APPBP2: variants seen among roughly 807,000 people sequenced by gnomAD.
The protein encoded by APPBP2 is amyloid protein-binding protein 2.
Under a neutral mutation model 76.0 loss-of-function variants are expected in APPBP2, and 15 were observed. That is an observed-to-expected ratio of 0.20 (90% confidence interval 0.13 to 0.30). The LOEUF (loss-of-function observed/expected upper bound fraction) is 0.30, where lower values mean the gene tolerates loss of function less well. Ranked by LOEUF, APPBP2 falls within the 10% of genes least tolerant of loss-of-function variation. The pLI is 1.00. For synonymous variants in APPBP2, 222 were observed against 242.2 expected (o/e 0.92, Z 0.77); for missense variants, 401 against 687.2 (o/e 0.58, Z 4.66).
At chr17:60,522,153 A>T (rs1415836018) in intron 1 of APPBP2, among the ~76,000 whole-genome samples, 1 of 152,134 alleles carries the variant, frequency 6.6e-6, no homozygotes, top group Non-Finnish European at 1.5e-5. Flanking sequence ...ATTTTTATTA[A>T]CTATTCTTTT....
At chr17:60,511,582 GAAAAAA>G (rs397946277) in intron 1 of APPBP2, among the ~76,000 whole-genome samples, 3 of 116,698 alleles carry the variant, frequency 2.6e-5, no homozygotes, top group African/African-American at 8.5e-5. Flanking sequence ...AGACTCCATT[GAAAAAA>G]AAAAAAAAGA....
chr17:60,452,175 A>T, intron 11 of APPBP2, 130 bp from the exon 12 acceptor site: 1 of 932,790 alleles, frequency 1.1e-6, no homozygotes, highest in South Asian at 1.8e-5. Context: ...ATCAAAGAAC[A>T]TACTATGTTA....
At chr17:60,479,519 C>T (rs939819087) in intron 3 of APPBP2, among the ~76,000 whole-genome samples, 2 of 152,088 alleles carry the variant, frequency 1.3e-5, no homozygotes, top group African/African-American at 4.8e-5. Context: ...TACTCCATGG[C>T]CTAAGAGTTG....
chr17:60,496,144 G>T (rs1037738319), intron 2 of APPBP2, among the ~76,000 whole-genome samples: 2 of 152,168 alleles, frequency 1.3e-5, no homozygotes, highest in African/African-American at 4.8e-5. Flanking sequence ...GTTAACTGAG[G>T]AAATGGTCAG....
At chr17:60,515,112 ATTTT>A (rs746696162) in intron 1 of APPBP2, among the ~76,000 whole-genome samples, 1 of 106,228 alleles carries the variant, frequency 9.4e-6, no homozygotes, top group Non-Finnish European at 2.0e-5. Context: ...CCTATTTTAA[ATTTT>A]TTTTTTTTTT....
chr17:60,462,096 C>T (rs2090479761), intron 6 of APPBP2, 35 bp from the exon 7 acceptor site: 1 of 1,525,324 alleles, frequency 6.6e-7, no homozygotes, highest in Non-Finnish European at 9.1e-7. Flanking sequence ...AACTCTCAAA[C>T]AGTTCATTAG....
intron 1 of APPBP2, among the ~76,000 whole-genome samples, chr17:60,517,137 G>A (rs1370807945): frequency 6.6e-6 from 1 of 152,000 alleles, no homozygotes; most frequent in Non-Finnish European, 1.5e-5. Flanking sequence ...CACCATGCCT[G>A]GCTAATTTTT....
intron 3 of APPBP2, among the ~76,000 whole-genome samples, chr17:60,485,783 TGTGATGGTA>T (rs2090671293): frequency 1.3e-5 from 2 of 152,196 alleles, no homozygotes; most frequent in Admixed American, 6.5e-5. Flanking sequence ...CTCTTTTAAT[TGTGATGGTA>T]GGGTGTGAAT....
At chr17:60,510,579 C>A (rs1434408443) in intron 1 of APPBP2, among the ~76,000 whole-genome samples, 1 of 151,300 alleles carries the variant, frequency 6.6e-6, no homozygotes, top group Non-Finnish European at 1.5e-5. Context: ...AAAAATTGGC[C>A]AAGCATGGTG....
chr17:60,492,875 G>A (rs540390439), intron 3 of APPBP2, among the ~76,000 whole-genome samples: 1 of 152,250 alleles, frequency 6.6e-6, no homozygotes, highest in Non-Finnish European at 1.5e-5. Context: ...TGAAATGTGA[G>A]GACATGAGAT....
intron 2 of APPBP2, 39 bp downstream of exon 2, chr17:60,500,360 T>C: frequency 7.4e-7 from 1 of 1,349,718 alleles, no homozygotes; most frequent in African/African-American, 1.5e-5. Flanking sequence ...GTAAATTTTA[T>C]GTTATGTATA....
intron 1 of APPBP2, among the ~76,000 whole-genome samples, chr17:60,501,265 A>G (rs560312444): frequency 6.6e-4 from 101 of 152,244 alleles, no homozygotes; most frequent in African/African-American, 2.4e-3. Context: ...TGGGCAACAT[A>G]GTGACACCCT....
intron 11 of APPBP2, among the ~76,000 whole-genome samples, chr17:60,452,799 G>A (rs1426203505): frequency 6.6e-6 from 1 of 152,084 alleles, no homozygotes; most frequent in Non-Finnish European, 1.5e-5. Context: ...GCAGTGTGGT[G>A]GTGTGCGCCT....
Position 60,447,499 on chromosome 17 carries a change from C to T in APPBP2, c.*82G>A. On this transcript the variant is annotated 3_prime_UTR_variant, in exon 13 of 13. Coordinates refer to ENST00000083182, the MANE Select transcript of APPBP2 (RefSeq NM_006380.5). The stretch of plus-strand genomic sequence containing the variant: ...CAGTGTTTCAATGCAAATTCCAGCC[C>T]CCCAAAACAACATGGTTTTGATTTC... 1 of 1,495,482 alleles carries T rather than the reference C, an allele frequency of 6.7e-7. No homozygotes were observed. The highest frequency in any genetic ancestry group is 9.0e-7 in the Non-Finnish European group (1 of 1,117,044). The allele number at this position is 1,495,482 out of a possible 1,614,324, so 92.6% of individuals were successfully genotyped here.
chr17:60,478,517 AG>A (rs1308330305), intron 4 of APPBP2, among the ~76,000 whole-genome samples: 1 of 152,256 alleles, frequency 6.6e-6, no homozygotes, highest in African/African-American at 2.4e-5. Context: ...ACATTTCTGG[AG>A]TTTCCGAGCA....
chr17:60,514,152 C>T (rs562761473), intron 1 of APPBP2, among the ~76,000 whole-genome samples: 1 of 152,054 alleles, frequency 6.6e-6, no homozygotes, highest in East Asian at 1.9e-4. Flanking sequence ...ACAAAAAATA[C>T]AAAAATTAGC....
At chr17:60,465,735 T>C (rs1207969207) in intron 5 of APPBP2, among the ~76,000 whole-genome samples, 1 of 152,054 alleles carries the variant, frequency 6.6e-6, no homozygotes, top group Non-Finnish European at 1.5e-5. Flanking sequence ...CCAAACAATT[T>C]AGGCAAATAT....
chr17:60,462,128 T>C (rs1598349941), intron 6 of APPBP2, 67 bp from the exon 7 acceptor site: 2 of 1,224,360 alleles, frequency 1.6e-6, no homozygotes, highest in East Asian at 2.3e-5. Flanking sequence ...ACGTGTAGTT[T>C]ATATATTCTG....
At chr17:60,513,085 T>C (rs1345136205) in intron 1 of APPBP2, 1 of 213,812 alleles carries the variant, frequency 4.7e-6, no homozygotes, top group Non-Finnish European at 9.2e-6. Context: ...GGTGTTGATG[T>C]CCCACCCCTG....
Sources: gnomAD v4.1 joint callset for allele counts (sites outside exome capture counted in the v4.1 genomes callset) on GRCh38, gnomAD v4.1.1 for gene constraint, MANE v1.5 for transcripts, NCBI Gene and HGNC (gene_info 2026-07-23, HGNC 2026-07-21) for gene names.